The following PTDSS1 variants were observed in gnomAD, a reference collection of about 807,000 sequenced individuals.
PTDSS1 encodes the protein PSS-1.
PTDSS1 carries 45 observed loss-of-function variants against 70.5 expected under a neutral mutation model. The ratio of observed to expected loss-of-function variants is 0.64; its 90% CI spans 0.50 to 0.82. The LOEUF is 0.82. Ranked by LOEUF, PTDSS1 falls within the 40% of genes least tolerant of loss-of-function variation. The pLI is 0.00. For synonymous variants in PTDSS1, 188 were observed against 203.8 expected (o/e 0.92, Z 0.66); for missense variants, 417 against 586.1 (o/e 0.71, Z 2.98).
chr8:96,299,939 A>T, intron 6 of PTDSS1, 94 bp downstream of exon 6: 1 of 1,404,810 alleles, frequency 7.1e-7, no homozygotes, highest in South Asian at 1.4e-5. Flanking sequence ...ATCTTTGATG[A>T]TAAGGAATAA....
At chr8:96,279,128 G>A (rs972935069) in intron 2 of PTDSS1, among the ~76,000 whole-genome samples, 1 of 150,910 alleles carries the variant, frequency 6.6e-6, no homozygotes, top group Non-Finnish European at 1.5e-5. Flanking sequence ...ATGCCACCAC[G>A]CCCAGCTAAT....
intron 8 of PTDSS1, among the ~76,000 whole-genome samples, chr8:96,309,036 C>T (rs1460476703): frequency 6.6e-6 from 1 of 152,018 alleles, no homozygotes; most frequent in African/African-American, 2.4e-5. Context: ...CTGGAGAGAA[C>T]CAGAGGAGAC....
At chr8:96,327,863 G>A (rs112659897) in intron 10 of PTDSS1, among the ~76,000 whole-genome samples, 267 of 152,204 alleles carry the variant, frequency 1.8e-3, no homozygotes, top group African/African-American at 6.2e-3. Context: ...TAAACGAAGT[G>A]TGCAATTGCT....
chr8:96,273,232 C>A lies in PTDSS1; in HGVS notation c.180-67C>A, dbSNP rs560269169. On this transcript the variant is annotated intron_variant, in intron 1 of 12. Coordinates refer to ENST00000517309, the MANE Select transcript of PTDSS1 (RefSeq NM_014754.3). ...CCCCCAGTTTTTAGAACATGGAAAT[C>A]TTCCTTCCTCTAGGTTTTCTATTTG... 8.4e-6 allele frequency: 10 copies of A among 1,185,318 alleles called. No homozygotes were observed. The East Asian group carries it at 2.2e-4, about 26-fold the overall frequency. 73.4% of individuals were successfully genotyped at this position (1,185,318 alleles called of 1,614,324 possible).
intron 10 of PTDSS1, among the ~76,000 whole-genome samples, chr8:96,328,500 G>A (rs570428024): frequency 2.6e-5 from 4 of 152,266 alleles, no homozygotes; most frequent in Admixed American, 6.5e-5. Context: ...TTTTTTGATG[G>A]ATATGAGCTT....
At chr8:96,286,141 T>G (rs1256419953) in intron 3 of PTDSS1, among the ~76,000 whole-genome samples, 1 of 152,152 alleles carries the variant, frequency 6.6e-6, no homozygotes, top group Non-Finnish European at 1.5e-5. Flanking sequence ...TGGAGATTAG[T>G]GCTGAGCCAA....
chr8:96,324,723 A>C (rs898193083), intron 10 of PTDSS1, among the ~76,000 whole-genome samples: 1 of 152,212 alleles, frequency 6.6e-6, no homozygotes, highest in Non-Finnish European at 1.5e-5. Context: ...AATACTGTTA[A>C]GTTGGCAGTT....
rs141910293 is a variant in PTDSS1, at chr8:96,281,353, C to T, written c.272-2756C>T. Among the ~76,000 whole-genome samples, 105 of 152,232 alleles carry T rather than the reference C, an allele frequency of 6.9e-4. 1 individual carries two copies. The highest frequency in any genetic ancestry group is 2.5e-3 in the East Asian group (13 of 5,182). On this transcript the variant is annotated intron_variant, in intron 2 of 12. Coordinates refer to ENST00000517309, the MANE Select transcript of PTDSS1 (RefSeq NM_014754.3). ...TATGACAAGGCTCACACTCGCAGGG[C>T]GGCAGATTTGATGGTTGAAATCAAA...
In PTDSS1 at chr8:96,335,161, C is replaced by T. The variant is rs555425600; in HGVS notation, c.*1595C>T. The T allele has an allele frequency of 1.3e-5, 2 of 152,282 alleles. No homozygotes were observed. The highest frequency in any genetic ancestry group is 3.9e-4 in the East Asian group (2 of 5,184). 9.4% of individuals were successfully genotyped at this position (152,282 alleles called of 1,614,324 possible). A position where few individuals can be genotyped will look rare whatever the true frequency, so the allele number is the denominator to read the frequency against. On this transcript the variant is annotated 3_prime_UTR_variant, in exon 13 of 13. Coordinates refer to ENST00000517309, the MANE Select transcript of PTDSS1 (RefSeq NM_014754.3). Reference sequence around the variant, plus strand: ...CAGCTCCGAGCTCTCAAATGTCCTCCAGCCAGCATCTGCCTGCTTCCCACA... The same window carrying T: ...CAGCTCCGAGCTCTCAAATGTCCTCTAGCCAGCATCTGCCTGCTTCCCACA...
At chr8:96,302,646 A>G (rs1471894436) in intron 6 of PTDSS1, among the ~76,000 whole-genome samples, 1 of 152,102 alleles carries the variant, frequency 6.6e-6, no homozygotes, top group Non-Finnish European at 1.5e-5. Context: ...CAGTGGCACA[A>G]TCTTGGCTCA....
At chr8:96,314,136 C>T (rs183210366) in intron 9 of PTDSS1, among the ~76,000 whole-genome samples, 17 of 152,090 alleles carry the variant, frequency 1.1e-4, no homozygotes, top group Non-Finnish European at 2.2e-4. Flanking sequence ...CCTTGACCTC[C>T]CAGACTCAAG....
At chr8:96,323,144 T>C (rs1447830790) in intron 10 of PTDSS1, among the ~76,000 whole-genome samples, 1 of 152,224 alleles carries the variant, frequency 6.6e-6, no homozygotes, top group Non-Finnish European at 1.5e-5. Flanking sequence ...GGGCAGGAGT[T>C]GGGCCCCCAG....
At chr8:96,301,458 T>A (rs975822554) in intron 6 of PTDSS1, among the ~76,000 whole-genome samples, 1 of 152,044 alleles carries the variant, frequency 6.6e-6, no homozygotes, top group Non-Finnish European at 1.5e-5. Context: ...ATACTGTTAA[T>A]CTTTTTGTTT....
At chr8:96,330,794 C>G in intron 11 of PTDSS1, 1 of 523,672 alleles carries the variant, frequency 1.9e-6, no homozygotes, top group Non-Finnish European at 3.4e-6. Context: ...TTATTTACAC[C>G]TTCAGTCTAA....
At chr8:96,286,071 A>G (rs980189469) in intron 3 of PTDSS1, among the ~76,000 whole-genome samples, 1 of 152,132 alleles carries the variant, frequency 6.6e-6, no homozygotes, top group African/African-American at 2.4e-5. Context: ...GTCTGGCACT[A>G]TAGCGCTTGC....
chr8:96,262,071 A>G lies in PTDSS1; in HGVS notation c.31A>G (p.Ser11Gly), dbSNP rs1810411689. 2 of 1,613,582 alleles carry G rather than the reference A, an allele frequency of 1.2e-6. No homozygotes were observed. Among genetic ancestry groups the G allele is most frequent in the African/African-American group, 2.7e-5 (2 of 74,888 alleles). The change falls in exon 1 of 13, where the codon AGC becomes GGC. Residue 11 changes from serine to glycine, a missense_variant. Around this residue, in one of 3 missense-constraint regions of PTDSS1, gnomAD observed 38 missense variants for 34.3 expected, o/e 1.11. Transcript: ENST00000517309. The surrounding 1 kb of genome is among the most constrained non-coding windows in gnomAD (Gnocchi z 4.4). Reference sequence around the variant, plus strand: ...GTCCTGCGTGGGGAGCCGGACCCTAAGCAAGGATGATGTGAACTACAAAAT... The same window carrying G: ...GTCCTGCGTGGGGAGCCGGACCCTAGGCAAGGATGATGTGAACTACAAAAT... MASCVGSRTL[S>G]KDDVNYKMHF...
intron 2 of PTDSS1, among the ~76,000 whole-genome samples, chr8:96,278,565 T>C (rs1338281917): frequency 6.6e-6 from 1 of 152,198 alleles, no homozygotes; most frequent in Non-Finnish European, 1.5e-5. Flanking sequence ...CTCCTCTTCA[T>C]TCTCTTTTGG....
At chr8:96,275,492 G>C in intron 2 of PTDSS1, among the ~76,000 whole-genome samples, 1 of 152,054 alleles carries the variant, frequency 6.6e-6, no homozygotes, top group East Asian at 1.9e-4. Context: ...TTGGCTATTT[G>C]CCAACTTTCC....
chr8:96,281,316 G>A lies in PTDSS1; in HGVS notation c.272-2793G>A, dbSNP rs549007033. 1.7e-4 allele frequency among the ~76,000 whole-genome samples: 26 copies of A among 152,282 alleles called. No homozygotes were observed. In the South Asian group the frequency reaches 3.9e-3, roughly 23 times the overall value. On this transcript the variant is annotated intron_variant, in intron 2 of 12. Transcript: ENST00000517309. ...AAAATTCAGAGTTTCTTCTCAGGAG[G>A]CAATGGGCAGTTATGACAAGGCTCA...
Sources: allele counts gnomAD v4.1 joint callset (sites outside exome capture counted in the v4.1 genomes callset), GRCh38; gene constraint gnomAD v4.1.1; regional missense constraint gnomAD v4.1.1; non-coding constraint Gnocchi (gnomAD v3.1); transcripts MANE v1.5; gene names NCBI Gene and HGNC (gene_info 2026-07-23, HGNC 2026-07-21).